EPHA6: variants seen among roughly 807,000 people sequenced by gnomAD.
EPHA6 encodes the protein ephrin type-A receptor 6.
Under a neutral mutation model 112.0 loss-of-function variants are expected in EPHA6, and 50 were observed. The observed-to-expected ratio is 0.45, with a 90% CI of 0.36 to 0.56. The LOEUF is 0.56. Among genes scored for constraint, EPHA6 ranks in the 20% least tolerant of loss-of-function variants. The pLI is 0.00. For missense variants in EPHA6, 1,280 were observed against 1,417.4 expected (o/e 0.90, Z 1.56); for synonymous variants, 529 against 490.7 (o/e 1.08, Z -1.03).
chr3:97,493,623 C>CTGTGTGTGTGTGTGTGTGTG (rs373276812), intron 10 of EPHA6, among the ~76,000 whole-genome samples: 2,596 of 147,344 alleles, frequency 0.018, 94 homozygotes, highest in African/African-American at 0.061. Flanking sequence ...ATTTAGTCCT[C>CTGTGTGTGTGTGTGTGTGTG]TGTGTGTGTG....
At chr3:97,555,924 T>C (rs2093102112) in intron 11 of EPHA6, among the ~76,000 whole-genome samples, 2 of 152,074 alleles carry the variant, frequency 1.3e-5, no homozygotes, top group South Asian at 2.1e-4. Flanking sequence ...AGAAGCTCTT[T>C]AGTTTAATTA....
At chr3:97,042,457 A>G (rs149181505) in intron 3 of EPHA6, among the ~76,000 whole-genome samples, 75 of 152,220 alleles carry the variant, frequency 4.9e-4, no homozygotes, top group African/African-American at 1.7e-3. Context: ...ACCCAGTCTC[A>G]GGTATTTCTT....
chr3:97,024,031 G>C lies in EPHA6; in HGVS notation c.1114+36038G>C, dbSNP rs147261574. On this transcript the variant is annotated intron_variant, in intron 3 of 17. Coordinates refer to ENST00000389672, the MANE Select transcript of EPHA6 (RefSeq NM_001080448.3). Reference sequence around the variant, plus strand: ...TTTTTACTTAGAGGAATTGTTATGAGATGATCTAGTGGTCAGTTCATTTCT... The same window carrying C: ...TTTTTACTTAGAGGAATTGTTATGACATGATCTAGTGGTCAGTTCATTTCT... Among the ~76,000 whole-genome samples the C allele has an allele frequency of 1.2e-3, 187 of 152,156 alleles. 1 individual carries two copies. Among genetic ancestry groups the C allele is most frequent in the Middle Eastern group, 0.01 (3 of 292 alleles).
At chr3:97,182,675 A>C (rs1450419325) in intron 3 of EPHA6, among the ~76,000 whole-genome samples, 2 of 152,156 alleles carry the variant, frequency 1.3e-5, no homozygotes, top group Non-Finnish European at 2.9e-5. Flanking sequence ...TGCAGACTAA[A>C]GTGACTCCAG....
intron 5 of EPHA6, among the ~76,000 whole-genome samples, chr3:97,362,097 G>A (rs184041245): frequency 6.6e-6 from 1 of 152,128 alleles, no homozygotes; most frequent in East Asian, 1.9e-4. Context: ...TTTTGGTAAA[G>A]GAGAAAAACA....
At chr3:97,146,487 A>G (rs1275501251) in intron 3 of EPHA6, among the ~76,000 whole-genome samples, 2 of 151,840 alleles carry the variant, frequency 1.3e-5, no homozygotes, top group East Asian at 3.9e-4. Context: ...GCATCTCTAC[A>G]TTATTTCCTC....
intron 10 of EPHA6, among the ~76,000 whole-genome samples, chr3:97,530,535 A>G (rs2092683560): frequency 6.6e-6 from 1 of 151,078 alleles, no homozygotes; most frequent in African/African-American, 2.4e-5. Flanking sequence ...AAAAACTACA[A>G]CTTCTTTTTT....
At position 97,327,726 on chromosome 3, in the gene EPHA6, T is replaced by C. The variant is rs186946388; in HGVS notation, c.1607-77424T>C. On this transcript the variant is annotated intron_variant, in intron 5 of 17. Transcript: ENST00000389672. ...ATGAGGTAAATGGAATCATACAGTATATAACTTTCGGATATTTGCTTTTTT... is the reference window on the plus strand; with the variant it reads ...ATGAGGTAAATGGAATCATACAGTACATAACTTTCGGATATTTGCTTTTTT... 5.3e-5 allele frequency among the ~76,000 whole-genome samples: 8 copies of C among 151,868 alleles called. No individual in the cohort carries two copies. The South Asian group carries it at 1.7e-3, about 31-fold the overall frequency.
chr3:96,843,243 G>C (rs1159616202), intron 1 of EPHA6, among the ~76,000 whole-genome samples: 17 of 152,124 alleles, frequency 1.1e-4, no homozygotes, highest in East Asian at 1.9e-4. Flanking sequence ...AGCTGTTACT[G>C]TTACTTTACC....
At chr3:96,824,776 A>G (rs1415440997) in intron 1 of EPHA6, among the ~76,000 whole-genome samples, 1 of 152,080 alleles carries the variant, frequency 6.6e-6, no homozygotes, top group Non-Finnish European at 1.5e-5. Context: ...TATAGGAATT[A>G]ATATACAGAG....
chr3:97,299,431 C>A (rs1251533529), intron 5 of EPHA6, among the ~76,000 whole-genome samples: 1 of 152,124 alleles, frequency 6.6e-6, no homozygotes, highest in Non-Finnish European at 1.5e-5. Context: ...TTGCCTAAAA[C>A]TGGCCCAAAA....
chr3:97,671,087 T>C (rs1329801121), intron 14 of EPHA6, among the ~76,000 whole-genome samples: 2 of 152,148 alleles, frequency 1.3e-5, no homozygotes, highest in Middle Eastern at 3.2e-3. Flanking sequence ...TTTTAGTGTA[T>C]CTCCTAGAGT....
At chr3:97,126,596 C>A (rs77627152) in intron 3 of EPHA6, among the ~76,000 whole-genome samples, 2,405 of 151,920 alleles carry the variant, frequency 0.016, 75 homozygotes, top group African/African-American at 0.055. Context: ...TATGCCACAC[C>A]AAAAGATGAC....
rs1170908472 is a variant in EPHA6, at chr3:97,390,482, A to G, written c.1607-14668A>G. Among the ~76,000 whole-genome samples, 3 of 151,500 alleles carry G rather than the reference A, an allele frequency of 2.0e-5. No individual in the cohort carries two copies. In the East Asian group the frequency reaches 5.8e-4, roughly 29 times the overall value. On this transcript the variant is annotated intron_variant, in intron 5 of 17. Coordinates refer to ENST00000389672, the MANE Select transcript of EPHA6 (RefSeq NM_001080448.3). Reference sequence around the variant, plus strand: ...TATATTATATATATACGCTGTGTGTATATATAAATTATATTCCCTTTAAAC... The same window carrying G: ...TATATTATATATATACGCTGTGTGTGTATATAAATTATATTCCCTTTAAAC...
chr3:97,086,475 A>C (rs1339356824), intron 3 of EPHA6, among the ~76,000 whole-genome samples: 1 of 152,076 alleles, frequency 6.6e-6, no homozygotes, highest in Non-Finnish European at 1.5e-5. Context: ...TATTTCACAT[A>C]TTAAGTTTTT....
chr3:96,986,998 G>A (rs2043046530), intron 2 of EPHA6, among the ~76,000 whole-genome samples: 1 of 152,148 alleles, frequency 6.6e-6, no homozygotes, highest in Non-Finnish European at 1.5e-5. Context: ...TATCTGAAGT[G>A]CTGTACATGT....
chr3:96,962,241 A>C (rs1441166875), intron 2 of EPHA6, among the ~76,000 whole-genome samples: 2 of 152,096 alleles, frequency 1.3e-5, no homozygotes, highest in African/African-American at 4.8e-5. Context: ...CATCTCCCAC[A>C]GAACAGTGAA....
At chr3:97,070,329 CAT>C (rs531276841) in intron 3 of EPHA6, among the ~76,000 whole-genome samples, 31 of 152,148 alleles carry the variant, frequency 2.0e-4, no homozygotes, top group African/African-American at 7.0e-4. Context: ...AATAAAATAA[CAT>C]ATGTATTCTG....
chr3:97,050,230 C>A (rs1392308861), intron 3 of EPHA6, among the ~76,000 whole-genome samples: 2 of 152,062 alleles, frequency 1.3e-5, no homozygotes, highest in Non-Finnish European at 2.9e-5. Context: ...GCATTAAATC[C>A]AAATGAGATC....
Sources: allele counts gnomAD v4.1 joint callset (sites outside exome capture counted in the v4.1 genomes callset), GRCh38; gene constraint gnomAD v4.1.1; transcripts MANE v1.5; gene names NCBI Gene and HGNC (gene_info 2026-07-23, HGNC 2026-07-21).